The following PPM1B variants were observed in gnomAD, a reference collection of about 807,000 sequenced individuals.
The protein encoded by PPM1B is protein phosphatase, Mg2+/Mn2+ dependent 1B, also known as protein phosphatase 1B.
PPM1B carries 22 observed loss-of-function variants against 43.0 expected under a neutral mutation model. The ratio of observed to expected loss-of-function variants is 0.51; its 90% confidence interval spans 0.37 to 0.73. The LOEUF (loss-of-function observed/expected upper bound fraction) is 0.73. Among genes scored for constraint, PPM1B ranks in the 30% least tolerant of loss-of-function variants. PPM1B has a pLI of 0.00. For missense variants in PPM1B, 632 were observed against 584.2 expected, an observed-to-expected ratio of 1.08 and a Z score of -0.84; for synonymous variants, 217 against 197.9, an observed-to-expected ratio of 1.10 and a Z score of -0.81.
chr2:44,231,285 C>CTATT lies in PPM1B; in HGVS notation c.*569_*572dup. 1.0e-6 allele frequency: 1 copy of CTATT among 977,700 alleles called. No homozygotes were observed. Among genetic ancestry groups the CTATT allele is most frequent in the African/African-American group, 1.8e-5 (1 of 57,118 alleles). 60.6% of individuals were successfully genotyped at this position (977,700 alleles called of 1,614,324 possible). On this transcript the variant is annotated 3_prime_UTR_variant, in exon 6 of 6. Transcript: ENST00000282412. ...AAGTTGTGAGATATTGGATGTGTGGCTATTTTTCCTTTCTCTGTATTCTTT... is the reference window on the plus strand; with the variant it reads ...AAGTTGTGAGATATTGGATGTGTGGCTATTTATTTTTCCTTTCTCTGTATTCTTT...
intron 1 of PPM1B, among the ~76,000 whole-genome samples, chr2:44,187,230 A>G (rs959229030): frequency 6.6e-6 from 1 of 152,062 alleles, no homozygotes; most frequent in Non-Finnish European, 1.5e-5. Flanking sequence ...GTAGCATGTG[A>G]CGGTATTTGC....
chr2:44,194,505 C>T (rs1002297482), intron 1 of PPM1B, among the ~76,000 whole-genome samples: 6 of 151,982 alleles, frequency 3.9e-5, no homozygotes, highest in South Asian at 2.1e-4. Context: ...GGGCGGATCA[C>T]GATGTCAGGA....
At chr2:44,232,240 G>A (rs1670488838), downstream of PPM1B, 8 of 1,552,214 alleles carry the variant, frequency 5.2e-6, no homozygotes, top group Non-Finnish European at 7.0e-6. Flanking sequence ...CATCAATTTT[G>A]TTTTCTTTTG....
chr2:44,197,999 C>T (rs917805231), intron 1 of PPM1B, among the ~76,000 whole-genome samples: 2 of 152,044 alleles, frequency 1.3e-5, no homozygotes, highest in Non-Finnish European at 2.9e-5. Context: ...TCCCTAACAC[C>T]ACCGCATTTT....
intron 1 of PPM1B, among the ~76,000 whole-genome samples, chr2:44,179,591 A>G (rs1030063786): frequency 1.3e-5 from 2 of 152,198 alleles, no homozygotes; most frequent in Non-Finnish European, 2.9e-5. Flanking sequence ...TTACAGGCAT[A>G]AATATGGAAT....
chr2:44,234,392 G>A (rs1055035575), downstream of PPM1B: 1 of 494,180 alleles, frequency 2.0e-6, no homozygotes, highest in Non-Finnish European at 2.6e-6. Context: ...GGTGGTGCTT[G>A]CCTGTAATCC....
chr2:44,180,549 A>G (rs954895607), intron 1 of PPM1B, among the ~76,000 whole-genome samples: 15 of 152,292 alleles, frequency 9.8e-5, no homozygotes, highest in Middle Eastern at 3.4e-3. Context: ...CCAATTTAAT[A>G]TTTCTGGGAA....
chr2:44,214,394 T>C (rs1669625024), intron 3 of PPM1B, among the ~76,000 whole-genome samples: 1 of 151,224 alleles, frequency 6.6e-6, no homozygotes, highest in Admixed American at 6.6e-5. Flanking sequence ...TTTTCTTAAA[T>C]AAATTGTTAC....
chr2:44,242,340 C>G (rs1318670113), intron 5 of PPM1B, among the ~76,000 whole-genome samples: 1 of 151,942 alleles, frequency 6.6e-6, no homozygotes, highest in East Asian at 1.9e-4. Context: ...TACACATTAA[C>G]TTTAGAACAG....
At chr2:44,193,579 T>C (rs1259524335) in intron 1 of PPM1B, among the ~76,000 whole-genome samples, 3 of 143,246 alleles carry the variant, frequency 2.1e-5, no homozygotes, top group African/African-American at 7.9e-5. Flanking sequence ...TTTTTTCTTT[T>C]TTTTTTTTTT....
At chr2:44,189,620 C>T (rs1304763584) in intron 1 of PPM1B, among the ~76,000 whole-genome samples, 2 of 152,106 alleles carry the variant, frequency 1.3e-5, no homozygotes, top group Non-Finnish European at 2.9e-5. Flanking sequence ...CCTGCCACCA[C>T]GCCTGGCTAA....
chr2:44,175,870 C>T (rs968576284), intron 1 of PPM1B, among the ~76,000 whole-genome samples: 1 of 150,552 alleles, frequency 6.6e-6, no homozygotes, highest in Non-Finnish European at 1.5e-5. Flanking sequence ...ACTGCAACCT[C>T]CGCCTCCCAG....
rs140652763 is a variant in PPM1B, at chr2:44,201,731, G to A, written c.532G>A (p.Glu178Lys). The A allele has an allele frequency of 1.3e-4, 215 of 1,614,038 alleles. No homozygotes were observed. The highest frequency in any genetic ancestry group is 1.8e-4 in the Non-Finnish European group (209 of 1,180,014). Residue 178 changes from glutamate (E) to lysine (K), a missense_variant, in exon 2 of 6, where the codon GAG (glutamate) becomes AAG (lysine). Around this residue, in one of 3 missense-constraint regions of PPM1B, gnomAD observed 40 missense variants for 80.8 expected, o/e 0.50. Transcript: ENST00000282412. This position sits in a 1 kb window ranked among gnomAD's most constrained non-coding sequence, Gnocchi z 5.4. ...CAAACCTTGCAATCCAAGGGAAAAG[G>A]AGCGAATCCAAAATGCAGGAGGCAG... is the stretch of plus-strand genomic sequence containing the variant. ...DHKPCNPREK[E>K]RIQNAGGSVM...
intron 1 of PPM1B, among the ~76,000 whole-genome samples, chr2:44,196,377 A>G (rs1397594510): frequency 6.6e-6 from 1 of 152,022 alleles, no homozygotes; most frequent in Non-Finnish European, 1.5e-5. Flanking sequence ...GTTATTATGG[A>G]TTTTGTTTTG....
In PPM1B at chr2:44,175,210, C is replaced by T. The variant is rs779678144; in HGVS notation, c.-15+5936C>T. On this transcript the variant is annotated intron_variant, in intron 1 of 5. Coordinates refer to ENST00000282412, the MANE Select transcript of PPM1B (RefSeq NM_002706.6). ...TGGAGGTTCAACCCAGCTGAAATCG[C>T]GCCACTGCATTCCAGCCTGGGCAAA... 3.9e-4 allele frequency among the ~76,000 whole-genome samples: 60 copies of T among 152,034 alleles called. 1 individual carries two copies. The highest frequency in any genetic ancestry group is 7.3e-5 in the Non-Finnish European group (5 of 68,028).
rs929382520 is a variant in PPM1B, at chr2:44,217,968, G to C, written c.966G>C (p.Glu322Asp). Reference sequence around the variant, plus strand: ...GAACTTTTTTTAAAAAACCTACAGAGATTATGGAGAAGTCTGGCGAGGAAG... The same window carrying C: ...GAACTTTTTTTAAAAAACCTACAGACATTATGGAGAAGTCTGGCGAGGAAG... ...LDKHLESRVE[E>D]IMEKSGEEGM... is the part of the protein sequence containing the mutation. The change falls in exon 4 of 6, where the codon GAG becomes GAC. Residue 322 changes from glutamate (E) to aspartate (D), a missense_variant and splice_region_variant. Glu to Asp is a conservative substitution (Grantham distance 45). Coordinates refer to ENST00000282412, the MANE Select transcript of PPM1B (RefSeq NM_002706.6). 6 of 1,593,424 alleles carry C rather than the reference G, an allele frequency of 3.8e-6. No homozygotes were observed. Among genetic ancestry groups the C allele is most frequent in the Non-Finnish European group, 5.1e-6 (6 of 1,172,502 alleles).
chr2:44,239,425 C>G (rs1670698886), downstream of PPM1B, among the ~76,000 whole-genome samples: 1 of 151,828 alleles, frequency 6.6e-6, no homozygotes, highest in Non-Finnish European at 1.5e-5. Context: ...CAAAACCTCT[C>G]AGACTGTTTT....
intron 3 of PPM1B, among the ~76,000 whole-genome samples, chr2:44,214,120 C>T (rs1669610399): frequency 6.6e-6 from 1 of 152,178 alleles, no homozygotes. Flanking sequence ...CGCACTGTCA[C>T]CCAGGCTGGA....
intron 1 of PPM1B, among the ~76,000 whole-genome samples, chr2:44,171,778 C>T (rs1335747977): frequency 2.0e-5 from 3 of 146,738 alleles, no homozygotes; most frequent in East Asian, 2.0e-4. Context: ...TGCAGTGAGC[C>T]GAGATTGTGC....
Sources: gnomAD v4.1 joint callset for allele counts (sites outside exome capture counted in the v4.1 genomes callset) on GRCh38, gnomAD v4.1.1 for gene constraint, gnomAD v4.1.1 regional missense constraint, Gnocchi (gnomAD v3.1) non-coding constraint, MANE v1.5 for transcripts, NCBI Gene and HGNC (gene_info 2026-07-23, HGNC 2026-07-21) for gene names.